The following KCNH5 variants were observed in gnomAD, a reference collection of about 807,000 sequenced individuals.
The protein encoded by KCNH5 is potassium voltage-gated channel subfamily H member 5, also known as voltage-gated delayed rectifier potassium channel KCNH5.
Under a neutral mutation model 96.1 loss-of-function variants are expected in KCNH5, and 46 were observed. The observed-to-expected ratio is 0.48, with a 90% CI of 0.38 to 0.61. KCNH5 has a LOEUF of 0.61. Among genes scored for constraint, KCNH5 ranks in the 20% least tolerant of loss-of-function variants. KCNH5 has a pLI of 0.00. For synonymous variants in KCNH5, 439 were observed against 449.8 expected (o/e 0.98, Z 0.30); for missense variants, 907 against 1,225.8 (o/e 0.74, Z 3.88).
chr14:62,865,525 G>C (rs1483290637), intron 7 of KCNH5, among the ~76,000 whole-genome samples: 1 of 152,056 alleles, frequency 6.6e-6, no homozygotes, highest in Non-Finnish European at 1.5e-5. Context: ...AAATGAGGAA[G>C]AATCACAGGA....
intron 1 of KCNH5, among the ~76,000 whole-genome samples, chr14:63,021,815 C>A (rs1891433206): frequency 6.6e-6 from 1 of 152,134 alleles, no homozygotes; most frequent in Non-Finnish European, 1.5e-5. Flanking sequence ...TCTCTCAATG[C>A]TTGGCTTTCA....
chr14:62,754,652 C>T (rs1885579162), intron 10 of KCNH5, among the ~76,000 whole-genome samples: 1 of 151,860 alleles, frequency 6.6e-6, no homozygotes. Context: ...GTGGGCAGAT[C>T]ACTTATGGTC....
intron 7 of KCNH5, among the ~76,000 whole-genome samples, chr14:62,944,167 T>C (rs1889842556): frequency 6.6e-6 from 1 of 152,118 alleles, no homozygotes; most frequent in South Asian, 2.1e-4. Context: ...GGAAAGGCCA[T>C]TGAAAAGAGG....
chr14:63,003,540 A>ATAT (rs1891059763), intron 3 of KCNH5, among the ~76,000 whole-genome samples: 4 of 108,956 alleles, frequency 3.7e-5, no homozygotes, highest in African/African-American at 1.2e-4. Context: ...TATATTATAT[A>ATAT]TTATATATAG....
At chr14:62,876,511 C>T (rs1275969956) in intron 7 of KCNH5, among the ~76,000 whole-genome samples, 1 of 151,974 alleles carries the variant, frequency 6.6e-6, no homozygotes, top group Non-Finnish European at 1.5e-5. Flanking sequence ...TATAGAAAGA[C>T]ACAAAAAGAA....
chr14:62,783,312 C>A (rs566660965), intron 9 of KCNH5, among the ~76,000 whole-genome samples: 2 of 152,268 alleles, frequency 1.3e-5, no homozygotes, highest in South Asian at 4.1e-4. Flanking sequence ...TTGTGTAATA[C>A]TTTGTAAACA....
At chr14:62,787,426 G>C (rs1210930043) in intron 9 of KCNH5, among the ~76,000 whole-genome samples, 1 of 152,116 alleles carries the variant, frequency 6.6e-6, no homozygotes, top group African/African-American at 2.4e-5. Flanking sequence ...TTAGGAAAAG[G>C]AACCATCTCC....
chr14:62,961,823 C>G (rs1227051444), intron 6 of KCNH5, among the ~76,000 whole-genome samples: 3 of 143,308 alleles, frequency 2.1e-5, no homozygotes, highest in Admixed American at 6.9e-5. Flanking sequence ...GATGGAGATG[C>G]AGATAGAGAT....
At chr14:62,784,386 T>C (rs1428985968) in intron 9 of KCNH5, among the ~76,000 whole-genome samples, 1 of 152,206 alleles carries the variant, frequency 6.6e-6, no homozygotes, top group Non-Finnish European at 1.5e-5. Context: ...TACTATGTTA[T>C]ATAAATTTAT....
chr14:62,769,062 C>T lies in KCNH5; in HGVS notation c.2019+10666G>A, dbSNP rs562918285. Among the ~76,000 whole-genome samples the T allele has an allele frequency of 3.0e-4, 45 of 152,324 alleles. 2 individuals are homozygous for T. In the South Asian group the frequency reaches 8.7e-3, roughly 29 times the overall value. Reference sequence around the variant, plus strand: ...GTTGAAGGTCTGCCTCTTTCTACCCCCATCAGTGGAATTGGAGCCAGCTTG... The same window carrying T: ...GTTGAAGGTCTGCCTCTTTCTACCCTCATCAGTGGAATTGGAGCCAGCTTG... On this transcript the variant is annotated intron_variant, in intron 10 of 10. Coordinates refer to ENST00000322893, the MANE Select transcript of KCNH5 (RefSeq NM_139318.5).
At chr14:62,904,832 T>C (rs1242006151) in intron 7 of KCNH5, among the ~76,000 whole-genome samples, 1 of 152,220 alleles carries the variant, frequency 6.6e-6, no homozygotes, top group Non-Finnish European at 1.5e-5. Flanking sequence ...TCTGAAATTA[T>C]GTCTGACTTC....
chr14:62,818,103 TGGGGGC>T (rs1566670603), intron 8 of KCNH5, among the ~76,000 whole-genome samples: 1 of 39,934 alleles, frequency 2.5e-5, no homozygotes, highest in African/African-American at 1.1e-4. Context: ...TACCAGGAGC[TGGGGGC>T]GGGGGGGGGG....
chr14:62,871,733 TG>T (rs1160628176), intron 7 of KCNH5, among the ~76,000 whole-genome samples: 2 of 152,130 alleles, frequency 1.3e-5, no homozygotes, highest in African/African-American at 2.4e-5. Flanking sequence ...AAGCAAAGGA[TG>T]TGGAAGGACA....
chr14:62,922,094 G>T (rs1020000139), intron 7 of KCNH5, among the ~76,000 whole-genome samples: 1 of 152,006 alleles, frequency 6.6e-6, no homozygotes, highest in African/African-American at 2.4e-5. Flanking sequence ...TACATTCTGG[G>T]TTCCACCTTA....
chr14:62,752,120 T>C (rs531285038), intron 10 of KCNH5, among the ~76,000 whole-genome samples: 11 of 152,282 alleles, frequency 7.2e-5, no homozygotes, highest in African/African-American at 2.6e-4. Flanking sequence ...GCCCCTTTGA[T>C]AGTTCCACTT....
intron 8 of KCNH5, among the ~76,000 whole-genome samples, chr14:62,828,296 T>C (rs921807792): frequency 1.2e-4 from 19 of 152,210 alleles, no homozygotes; most frequent in African/African-American, 4.6e-4. Context: ...TTTTATTACC[T>C]GATTTCTTTT....
At chr14:62,902,995 G>A (rs992362458) in intron 7 of KCNH5, among the ~76,000 whole-genome samples, 4 of 152,128 alleles carry the variant, frequency 2.6e-5, no homozygotes, top group African/African-American at 9.7e-5. Flanking sequence ...TGGGATTACA[G>A]GCATGAGCCA....
intron 10 of KCNH5, among the ~76,000 whole-genome samples, chr14:62,739,028 G>T (rs1320741568): frequency 6.6e-6 from 1 of 152,070 alleles, no homozygotes; most frequent in Admixed American, 6.6e-5. Flanking sequence ...AAATTGGACA[G>T]GAGAAGTAAA....
chr14:62,706,242 A>G lies in KCNH5; in HGVS notation c.*1266T>C, dbSNP rs1371246612. The stretch of plus-strand genomic sequence containing the variant: ...TTTCACAAATGGACCTGCCTGAGCC[A>G]CAATAGCTTATTGAATCAACTCAGC... On this transcript the variant is annotated 3_prime_UTR_variant, in exon 11 of 11. Coordinates refer to ENST00000322893, the MANE Select transcript of KCNH5 (RefSeq NM_139318.5). 1 of 152,178 alleles carries G rather than the reference A, an allele frequency of 6.6e-6. No homozygotes were observed. Among genetic ancestry groups the G allele is most frequent in the Non-Finnish European group, 1.5e-5 (1 of 67,982 alleles). The allele number at this position is 152,178 out of a possible 1,614,324, so 9.4% of individuals were successfully genotyped here. A position where few individuals can be genotyped will look rare whatever the true frequency, so the allele number is the denominator to read the frequency against.
Sources: allele counts gnomAD v4.1 joint callset (sites outside exome capture counted in the v4.1 genomes callset), GRCh38; gene constraint gnomAD v4.1.1; transcripts MANE v1.5; gene names NCBI Gene and HGNC (gene_info 2026-07-23, HGNC 2026-07-21).